The following PCNX4 variants were observed in gnomAD, a reference collection of about 807,000 sequenced individuals.
PCNX4 encodes the protein pecanex-like protein 4.
Under a neutral mutation model 107.2 loss-of-function variants are expected in PCNX4, and 103 were observed. The observed-to-expected ratio is 0.96, with a 90% CI of 0.82 to 1.13. The LOEUF (loss-of-function observed/expected upper bound fraction) is 1.13. Ranked by LOEUF, PCNX4 falls within the 50% of genes most tolerant of loss-of-function variation. The pLI is 0.00. For synonymous variants in PCNX4, 541 were observed against 481.7 expected, an observed-to-expected ratio of 1.12 and a Z score of -1.61; for missense variants, 1,528 against 1,379.4, an observed-to-expected ratio of 1.11 and a Z score of -1.71.
chr14:60,134,474 A>T lies in PCNX4; in HGVS notation c.*253A>T. On this transcript the variant is annotated 3_prime_UTR_variant, in exon 11 of 11. Transcript: ENST00000406854. The stretch of plus-strand genomic sequence containing the variant: ...CTCTGGACTTTAGTAGGCTTTGGTA[A>T]ATGTGAGAAAACTTTTGTAGAATTA... The T allele has an allele frequency of 2.5e-6, 1 of 396,634 alleles. No individual in the cohort carries two copies. The highest frequency in any genetic ancestry group is 4.5e-6 in the Non-Finnish European group (1 of 223,474). The allele number at this position is 396,634 out of a possible 1,614,324, so 24.6% of individuals were successfully genotyped here.
chr14:60,116,052 C>CTCTT lies in PCNX4; in HGVS notation c.1571_1574dup (p.Leu525PhefsTer9). 1 of 1,604,982 alleles carries CTCTT rather than the reference C, an allele frequency of 6.2e-7. No individual in the cohort carries two copies. Among genetic ancestry groups the CTCTT allele is most frequent in the Non-Finnish European group, 8.5e-7 (1 of 1,176,358 alleles). On this transcript the variant is annotated frameshift_variant, in exon 6 of 11. Coordinates refer to ENST00000406854, the MANE Select transcript of PCNX4 (RefSeq NM_001330177.2). LOFTEE classifies it high-confidence loss of function. The stretch of plus-strand genomic sequence containing the variant: ...CAGAAGCCTGGATACAGGACTCAGA[C>CTCTT]TCTTACTGGTAAGTGTGTCTTTTAA...
At chr14:60,102,510 ATC>A (rs770538195) in intron 1 of PCNX4, among the ~76,000 whole-genome samples, 1 of 152,132 alleles carries the variant, frequency 6.6e-6, no homozygotes, top group Non-Finnish European at 1.5e-5. Flanking sequence ...TGCCAGATTG[ATC>A]TCTGTTTCTT....
intron 1 of PCNX4, among the ~76,000 whole-genome samples, chr14:60,107,184 C>T (rs1275813627): frequency 6.6e-6 from 1 of 152,112 alleles, no homozygotes; most frequent in African/African-American, 2.4e-5. Flanking sequence ...ATACCCAAGA[C>T]CAGCCTGGAT....
intron 1 of PCNX4, among the ~76,000 whole-genome samples, chr14:60,095,953 G>C (rs576216182): frequency 5.3e-5 from 8 of 152,274 alleles, no homozygotes; most frequent in African/African-American, 1.9e-4. Context: ...ATTCTCTAGG[G>C]AATCATTACC....
chr14:60,096,330 A>G (rs1288295107), intron 1 of PCNX4, among the ~76,000 whole-genome samples: 2 of 152,206 alleles, frequency 1.3e-5, no homozygotes, highest in Non-Finnish European at 2.9e-5. Flanking sequence ...TAGCAAGGAA[A>G]TACTCATGCA....
Position 60,114,807 on chromosome 14 carries a change from C to G in PCNX4, c.797C>G (p.Ala266Gly). The G allele has an allele frequency of 6.2e-7, 1 of 1,613,848 alleles. No homozygotes were observed. The highest frequency in any genetic ancestry group is 8.5e-7 in the Non-Finnish European group (1 of 1,179,848). ...WALGTLPPPD[A>G]LLLWAMEQVL... ...CTTGGGACTCTGCCCCCACCCGATG[C>G]ACTTCTCTTATGGGCAATGGAGCAG... The change falls in exon 3 of 11, where the codon GCA becomes GGA. Residue 266 changes from alanine (A) to glycine (G), a missense_variant. Transcript: ENST00000406854.
In PCNX4 at chr14:60,144,783, T is replaced by G. The variant is rs1896354991; in HGVS notation, c.*10562T>G. 1 of 600,172 alleles carries G rather than the reference T, an allele frequency of 1.7e-6. No individual in the cohort carries two copies. The highest frequency in any genetic ancestry group is 3.0e-5 in the Admixed American group (1 of 33,734). The allele number at this position is 600,172 out of a possible 1,614,324, so 37.2% of individuals were successfully genotyped here. On this transcript the variant is annotated 3_prime_UTR_variant, in exon 11 of 11. Transcript: ENST00000406854. ...ATATAGTATGAGTTAATACCTTTTT[T>G]GCAAGATTCATGGCAATCTTTTATT... is the stretch of plus-strand genomic sequence containing the variant.
chr14:60,121,916 G>C (rs1895963074), intron 8 of PCNX4, among the ~76,000 whole-genome samples: 1 of 152,070 alleles, frequency 6.6e-6, no homozygotes, highest in African/African-American at 2.4e-5. Flanking sequence ...CTTTTCACTT[G>C]TTTCATGGGT....
rs1266090125 is a variant in PCNX4, at chr14:60,135,601, G to GC, written c.*1380_*1381insC. 1 of 151,728 alleles carries GC rather than the reference G, an allele frequency of 6.6e-6. No homozygotes were observed. Among genetic ancestry groups the GC allele is most frequent in the African/African-American group, 2.4e-5 (1 of 41,260 alleles). 9.4% of individuals were successfully genotyped at this position (151,728 alleles called of 1,614,324 possible). A position where few individuals can be genotyped will look rare whatever the true frequency, so the allele number is the denominator to read the frequency against. Reference sequence around the variant, plus strand: ...GGAATCTCGCTCTGTCACCCAGGCTGGGGTGCAGTGGCACGATCTCAGCTC... The same window carrying GC: ...GGAATCTCGCTCTGTCACCCAGGCTGCGGGTGCAGTGGCACGATCTCAGCTC... On this transcript the variant is annotated 3_prime_UTR_variant, in exon 11 of 11. Transcript: ENST00000406854.
chr14:60,114,724 A>G lies in PCNX4; in HGVS notation c.714A>G (p.Leu238=). The change falls in exon 3 of 11, where the codon CTA becomes CTG. Residue 238 remains leucine (L), a synonymous_variant. Coordinates refer to ENST00000406854, the MANE Select transcript of PCNX4 (RefSeq NM_001330177.2). The stretch of plus-strand genomic sequence containing the variant: ...GGTTTGTGGTAAATATGCCAGCTCT[A>G]GAACACATGAATCAGATTTTACACA... ...AHRFVVNMPA[L]EHMNQILHIL... 1 of 1,613,484 alleles carries G rather than the reference A, an allele frequency of 6.2e-7. No individual in the cohort carries two copies. The highest frequency in any genetic ancestry group is 8.5e-7 in the Non-Finnish European group (1 of 1,179,644).
intron 4 of PCNX4, 123 bp from the exon 5 acceptor site, chr14:60,115,595 GT>G (rs1241919031): frequency 7.4e-7 from 1 of 1,357,176 alleles, no homozygotes; most frequent in Non-Finnish European, 9.9e-7. Flanking sequence ...ATGGTTTTTT[GT>G]TTATTGGCTT....
In PCNX4 at chr14:60,093,058, G is replaced by T. The variant is rs575828062; in HGVS notation, c.-54+639G>T. ...CACCGCCACTCACGCCAAATCCCCA[G>T]ACCTTTAGCATAGCATCCAGTTCAG... On this transcript the variant is annotated intron_variant, in intron 1 of 10. Coordinates refer to ENST00000406854, the MANE Select transcript of PCNX4 (RefSeq NM_001330177.2). 2.0e-5 allele frequency among the ~76,000 whole-genome samples: 3 copies of T among 152,278 alleles called. No homozygotes were observed. The South Asian group carries it at 6.2e-4, about 32-fold the overall frequency.
At position 60,118,582 on chromosome 14, in the gene PCNX4, C is replaced by G; in HGVS notation, c.1832C>G (p.Pro611Arg). ...TTTCCCCGACCTATTCAGAGTTGGC[C>G]AGGAGCAGCAGGCACCACAGCCTGT... is the stretch of plus-strand genomic sequence containing the variant. ...VGFPRPIQSWPGAAGTTACVC... is the reference protein window; with the variant it reads ...VGFPRPIQSWRGAAGTTACVC... Residue 611 changes from proline (P) to arginine (R), a missense_variant, in exon 7 of 11, where the codon CCA (proline) becomes CGA (arginine). Coordinates refer to ENST00000406854, the MANE Select transcript of PCNX4 (RefSeq NM_001330177.2). 1 of 1,613,752 alleles carries G rather than the reference C, an allele frequency of 6.2e-7. No homozygotes were observed. The highest frequency in any genetic ancestry group is 1.1e-5 in the South Asian group (1 of 91,072).
intron 4 of PCNX4, 66 bp downstream of exon 4, chr14:60,115,527 C>G: frequency 6.8e-7 from 1 of 1,466,606 alleles, no homozygotes; most frequent in Non-Finnish European, 9.1e-7. Context: ...AAAAATATTA[C>G]TCAATTCCCA....
At position 60,124,847 on chromosome 14, in the gene PCNX4, G is replaced by A. The variant is rs1366212540; in HGVS notation, c.2676G>A (p.Glu892=). 3.1e-6 allele frequency: 5 copies of A among 1,613,738 alleles called. No homozygotes were observed. The South Asian group carries it at 5.5e-5, about 18-fold the overall frequency. ...CTGCTGTTGACAAAGGAAAACAAGA[G>A]GACATGCCATATATTCCTCTCATGG... ...GYPAVDKGKQ[E]DMPYIPLMEF... Residue 892 remains glutamate (E), a synonymous_variant, in exon 9 of 11, where the codon GAG becomes GAA. Coordinates refer to ENST00000406854, the MANE Select transcript of PCNX4 (RefSeq NM_001330177.2).
In PCNX4 at chr14:60,093,571, TCA is replaced by T. The variant is rs576286728; in HGVS notation, c.-54+1155_-54+1156del. ...AGTCTAATTTCATTGTGTGGATATA[TCA>T]CATTTATCCATTCATTGATGGACAT... On this transcript the variant is annotated intron_variant, in intron 1 of 10. Coordinates refer to ENST00000406854, the MANE Select transcript of PCNX4 (RefSeq NM_001330177.2). Among the ~76,000 whole-genome samples the T allele has an allele frequency of 1.3e-3, 196 of 152,388 alleles. 2 individuals carry two copies. The highest frequency in any genetic ancestry group is 4.6e-3 in the African/African-American group (191 of 41,592).
At chr14:60,101,371 G>T (rs911716829) in intron 1 of PCNX4, among the ~76,000 whole-genome samples, 1 of 152,102 alleles carries the variant, frequency 6.6e-6, no homozygotes, top group African/African-American at 2.4e-5. Flanking sequence ...TTTTACACTT[G>T]TTCGGCTTTT....
At chr14:60,121,156 A>ATTTTTTTTTTTTTTTTTT in intron 7 of PCNX4, 40 bp from the exon 8 acceptor site, 1 of 1,349,698 alleles carries the variant, frequency 7.4e-7, no homozygotes, top group South Asian at 1.6e-5. Context: ...TTTGAAAATG[A>ATTTTTTTTTTTTTTTTTT]TTTTCTTTTT....
intron 10 of PCNX4, chr14:60,126,230 A>G (rs1304386879): frequency 6.5e-6 from 1 of 152,868 alleles, no homozygotes; most frequent in African/African-American, 2.4e-5. Flanking sequence ...ACTGTATTGA[A>G]GCAAACCTAA....
Sources: allele counts gnomAD v4.1 joint callset (sites outside exome capture counted in the v4.1 genomes callset), GRCh38; gene constraint gnomAD v4.1.1; transcripts MANE v1.5; gene names NCBI Gene and HGNC (gene_info 2026-07-23, HGNC 2026-07-21).